CTDNEP1: variants seen among roughly 807,000 people sequenced by gnomAD.
The protein encoded by CTDNEP1 is C-terminal domain nuclear envelope phosphatase 1.
CTDNEP1 carries 3 observed loss-of-function variants against 30.1 expected under a neutral mutation model. The observed-to-expected ratio is 0.10, with a 90% CI of 0.05 to 0.26. The LOEUF is 0.26. Ranked by LOEUF, CTDNEP1 falls within the 10% of genes least tolerant of loss-of-function variation. The pLI, the probability that CTDNEP1 is intolerant of heterozygous loss-of-function variation, is 1.00. For missense variants in CTDNEP1, 158 were observed against 310.4 expected, an observed-to-expected ratio of 0.51 and a Z score of 3.69; for synonymous variants, 123 against 118.8, an observed-to-expected ratio of 1.04 and a Z score of -0.23.
intron 1 of CTDNEP1, 130 bp from the exon 2 acceptor site, chr17:7,247,473 T>A: frequency 1.9e-6 from 1 of 535,612 alleles, no homozygotes; most frequent in Non-Finnish European, 3.1e-6. Context: ...TCTTCTTCTT[T>A]TTTTTTTTTT....
Position 7,246,013 on chromosome 17 carries a change from C to T in CTDNEP1, c.589+13G>A. On this transcript the variant is annotated intron_variant, in intron 6 of 7. Transcript: ENST00000574322. This position sits in a 1 kb window ranked among gnomAD's most constrained non-coding sequence, Gnocchi z 4.9. The stretch of plus-strand genomic sequence containing the variant: ...TGTTCTGGTCCTGCCAGACTCACCA[C>T]CTTCCCCCGTACCTGGATGGCTCCT... 1.9e-6 allele frequency: 3 copies of T among 1,581,438 alleles called. No individual in the cohort carries two copies. The highest frequency in any genetic ancestry group is 2.6e-6 in the Non-Finnish European group (3 of 1,150,902).
At chr17:7,251,092 C>A in intron 1 of CTDNEP1, 103 bp downstream of exon 1, 1 of 770,748 alleles carries the variant, frequency 1.3e-6, no homozygotes. Context: ...CCTTCCTAGG[C>A]CCAAACAGAG....
At chr17:7,249,348 T>C (rs1379208512) in intron 1 of CTDNEP1, among the ~76,000 whole-genome samples, 1 of 152,078 alleles carries the variant, frequency 6.6e-6, no homozygotes, top group Admixed American at 6.6e-5. Flanking sequence ...CCCTGGGCCA[T>C]GATGAGGTCC....
At chr17:7,245,646 G>A (rs1160748904) in intron 6 of CTDNEP1, among the ~76,000 whole-genome samples, 2 of 150,916 alleles carry the variant, frequency 1.3e-5, no homozygotes, top group African/African-American at 2.4e-5. Flanking sequence ...TTACAGGCGT[G>A]CGCCACCACG....
At chr17:7,244,775 C>A (rs1229663381) in intron 6 of CTDNEP1, 140 bp from the exon 7 acceptor site, 6 of 645,246 alleles carry the variant, frequency 9.3e-6, no homozygotes, top group African/African-American at 9.2e-5. Flanking sequence ...GTAAAACTTT[C>A]CTGGTTTATG....
At position 7,243,877 on chromosome 17, in the gene CTDNEP1, G is replaced by C. The variant is rs1385808251; in HGVS notation, c.*308C>G. The C allele has an allele frequency of 1.8e-6, 2 of 1,133,636 alleles. No individual in the cohort carries two copies. Among genetic ancestry groups the C allele is most frequent in the African/African-American group, 3.2e-5 (2 of 62,940 alleles). 70.2% of individuals were successfully genotyped at this position (1,133,636 alleles called of 1,614,324 possible). On this transcript the variant is annotated 3_prime_UTR_variant, in exon 8 of 8. Coordinates refer to ENST00000574322, the MANE Select transcript of CTDNEP1 (RefSeq NM_001143775.2). ...CTTTGAGCCTCCTGGATCACCGTAT[G>C]TCTGTCACTCTGGCCAGTCCTGCCT...
chr17:7,248,080 G>A lies in CTDNEP1; in HGVS notation c.103-737C>T, dbSNP rs560261057. Among the ~76,000 whole-genome samples the A allele has an allele frequency of 4.4e-3, 660 of 151,056 alleles. 5 individuals carry two copies. Among genetic ancestry groups the A allele is most frequent in the South Asian group, 0.027 (129 of 4,772 alleles). ...GACGGAGACCATCCTGGCCAACATG[G>A]TGAAACCCCGTCTCTACTAAAAATA... On this transcript the variant is annotated intron_variant, in intron 1 of 7. Coordinates refer to ENST00000574322, the MANE Select transcript of CTDNEP1 (RefSeq NM_001143775.2).
chr17:7,246,926 C>G lies in CTDNEP1; in HGVS notation c.289-64G>C. The G allele has an allele frequency of 6.7e-7, 1 of 1,493,604 alleles. No individual in the cohort carries two copies. The highest frequency in any genetic ancestry group is 9.3e-7 in the Non-Finnish European group (1 of 1,072,464). 92.5% of individuals were successfully genotyped at this position (1,493,604 alleles called of 1,614,324 possible). ...ACCACAACCCAGGCCTAGAAAACGC[C>G]CCACCCATCTGCTTCCCTCCTCCAG... On this transcript the variant is annotated intron_variant, in intron 3 of 7. Coordinates refer to ENST00000574322, the MANE Select transcript of CTDNEP1 (RefSeq NM_001143775.2). The surrounding 1 kb of genome is among the most constrained non-coding windows in gnomAD (Gnocchi z 4.9).
At chr17:7,250,177 G>A (rs1175390215) in intron 1 of CTDNEP1, among the ~76,000 whole-genome samples, 1 of 152,042 alleles carries the variant, frequency 6.6e-6, no homozygotes, top group African/African-American at 2.4e-5. Context: ...TGGACCCCAG[G>A]TCACCCCAAC....
At chr17:7,251,165 C>T (rs1228511331) in intron 1 of CTDNEP1, 30 bp downstream of exon 1, 1 of 1,540,860 alleles carries the variant, frequency 6.5e-7, no homozygotes, top group Admixed American at 1.8e-5. Flanking sequence ...CCAGACGTCC[C>T]CAACACCGCC....
At chr17:7,247,516 T>G (rs2071857402) in intron 1 of CTDNEP1, among the ~76,000 whole-genome samples, 173 bp from the exon 2 acceptor site, 1 of 151,108 alleles carries the variant, frequency 6.6e-6, no homozygotes, top group Non-Finnish European at 1.5e-5. Flanking sequence ...TTGCCCAGGC[T>G]GGAGTGCAGC....
Position 7,244,015 on chromosome 17 carries a change from A to T in CTDNEP1, c.*170T>A. 1.4e-6 allele frequency: 2 copies of T among 1,414,720 alleles called. No individual in the cohort carries two copies. The highest frequency in any genetic ancestry group is 2.9e-5 in the South Asian group (2 of 68,050). 87.6% of individuals were successfully genotyped at this position (1,414,720 alleles called of 1,614,324 possible). On this transcript the variant is annotated 3_prime_UTR_variant, in exon 8 of 8. Transcript: ENST00000574322. The stretch of plus-strand genomic sequence containing the variant: ...GAGGCTGCTTCAGAGCCCCTGGCCC[A>T]TGTGTCCATCCAGACTCCAAGTGGA...
chr17:7,248,173 G>C (rs1308378270), intron 1 of CTDNEP1, among the ~76,000 whole-genome samples: 1 of 145,034 alleles, frequency 6.9e-6, no homozygotes, highest in Non-Finnish European at 1.5e-5. Flanking sequence ...AGGCAGCAGA[G>C]TGGCTTGAAC....
intron 7 of CTDNEP1, 29 bp from the exon 8 acceptor site, chr17:7,244,274 A>G (rs777568093): frequency 3.0e-5 from 48 of 1,610,144 alleles, no homozygotes; most frequent in Non-Finnish European, 3.8e-5. Flanking sequence ...GCATTGGTAG[A>G]GTACCTTATA....
Position 7,246,905 on chromosome 17 carries a change from C to T in CTDNEP1, c.289-43G>A, listed in dbSNP as rs765281138. 1.3e-6 allele frequency: 2 copies of T among 1,573,328 alleles called. No homozygotes were observed. The highest frequency in any genetic ancestry group is 1.4e-5 in the African/African-American group (1 of 73,978). The stretch of plus-strand genomic sequence containing the variant: ...GGGCTGGGGGATGTCATGACCACCA[C>T]AACCCAGGCCTAGAAAACGCCCCAC... On this transcript the variant is annotated intron_variant, in intron 3 of 7. Transcript: ENST00000574322. This position sits in a 1 kb window ranked among gnomAD's most constrained non-coding sequence, Gnocchi z 4.9.
intron 7 of CTDNEP1, 114 bp from the exon 8 acceptor site, chr17:7,244,359 A>G: frequency 3.1e-6 from 4 of 1,295,152 alleles, no homozygotes; most frequent in Admixed American, 3.8e-5. Context: ...CATATTCATG[A>G]TTAGATAGGT....
rs553385371 is a variant in CTDNEP1, at chr17:7,246,598, C to A, written c.360+193G>T. On this transcript the variant is annotated intron_variant, in intron 4 of 7. Coordinates refer to ENST00000574322, the MANE Select transcript of CTDNEP1 (RefSeq NM_001143775.2). This position sits in a 1 kb window ranked among gnomAD's most constrained non-coding sequence, Gnocchi z 4.9. ...CAAGAACAAAAGAGAAAGATGCCAG[C>A]GGAAAAGAATTACATCAGCACAACA... The A allele has an allele frequency of 3.0e-6, 2 of 665,588 alleles. No individual in the cohort carries two copies. Among genetic ancestry groups the A allele is most frequent in the African/African-American group, 1.8e-5 (1 of 55,574 alleles). The allele number at this position is 665,588 out of a possible 1,614,324, so 41.2% of individuals were successfully genotyped here.
chr17:7,243,995 T>C lies in CTDNEP1; in HGVS notation c.*190A>G. 1 of 1,402,752 alleles carries C rather than the reference T, an allele frequency of 7.1e-7. No individual in the cohort carries two copies. Among genetic ancestry groups the C allele is most frequent in the Non-Finnish European group, 9.3e-7 (1 of 1,077,762 alleles). The allele number at this position is 1,402,752 out of a possible 1,614,324, so 86.9% of individuals were successfully genotyped here. On this transcript the variant is annotated 3_prime_UTR_variant, in exon 8 of 8. Coordinates refer to ENST00000574322, the MANE Select transcript of CTDNEP1 (RefSeq NM_001143775.2). ...GTGAACACGAAGTTAAGAGTGAGGC[T>C]GCTTCAGAGCCCCTGGCCCATGTGT...
chr17:7,245,522 G>A (rs975636380), intron 6 of CTDNEP1, among the ~76,000 whole-genome samples: 4 of 150,466 alleles, frequency 2.7e-5, no homozygotes, highest in South Asian at 4.2e-4. Flanking sequence ...TTTTTGAGAC[G>A]GCGTCTCGCT....
Sources: gnomAD v4.1 joint callset for allele counts (sites outside exome capture counted in the v4.1 genomes callset) on GRCh38, gnomAD v4.1.1 for gene constraint, Gnocchi (gnomAD v3.1) non-coding constraint, MANE v1.5 for transcripts, NCBI Gene and HGNC (gene_info 2026-07-23, HGNC 2026-07-21) for gene names.